Variants in SURF6 observed in about 807,000 individuals in gnomAD.
The protein encoded by SURF6 is surfeit 6.
SURF6 carries 28 observed loss-of-function variants against 37.5 expected under a neutral mutation model. That is an observed-to-expected ratio of 0.75 (90% CI 0.55 to 1.02). SURF6 has a LOEUF of 1.02. SURF6 is among the 50% of genes least tolerant of loss of function. SURF6 has a pLI of 0.00. For missense variants in SURF6, 560 were observed against 490.5 expected (o/e 1.14, Z -1.34); for synonymous variants, 248 against 210.9 (o/e 1.18, Z -1.52).
intron 1 of SURF6, among the ~76,000 whole-genome samples, chr9:133,335,425 G>A (rs1179367949): frequency 6.6e-6 from 1 of 151,848 alleles, no homozygotes; most frequent in Non-Finnish European, 1.5e-5. Context: ...CCAATATATC[G>A]TCCTTGAATA....
chr9:133,334,268 G>A, intron 2 of SURF6, 124 bp downstream of exon 2: 1 of 838,018 alleles, frequency 1.2e-6, no homozygotes, highest in South Asian at 1.8e-5. Context: ...TGCTCTTGGG[G>A]AAGTCTCGTG....
intron 1 of SURF6, among the ~76,000 whole-genome samples, chr9:133,335,204 C>T (rs1429119123): frequency 1.3e-5 from 2 of 152,094 alleles, no homozygotes; most frequent in Admixed American, 1.3e-4. Flanking sequence ...GTGATCCGCC[C>T]TCCTCAGCCT....
rs1025090801 is a variant in SURF6, at chr9:133,332,929, G to T, written c.394-169C>A. 4 of 643,640 alleles carry T rather than the reference G, an allele frequency of 6.2e-6. No homozygotes were observed. In the South Asian group the frequency reaches 7.9e-5, roughly 13 times the overall value. The allele number at this position is 643,640 out of a possible 1,614,324, so 39.9% of individuals were successfully genotyped here. Reference sequence around the variant, plus strand: ...CCATGATGTTCCCCAAAAAGCAAATGACCCCAAAAGAGAGAAGGGACCCCC... The same window carrying T: ...CCATGATGTTCCCCAAAAAGCAAATTACCCCAAAAGAGAGAAGGGACCCCC... On this transcript the variant is annotated intron_variant, in intron 3 of 4. Coordinates refer to ENST00000372022, the MANE Select transcript of SURF6 (RefSeq NM_006753.6).
chr9:133,334,089 G>C (rs1835814561), intron 2 of SURF6, among the ~76,000 whole-genome samples: 1 of 152,164 alleles, frequency 6.6e-6, no homozygotes, highest in South Asian at 2.1e-4. Flanking sequence ...GAACAAGTTG[G>C]CTCTCACAAG....
Position 133,332,557 on chromosome 9 carries a change from GA to G in SURF6, c.596del (p.Ile199ThrfsTer7). 3 of 1,608,630 alleles carry G rather than the reference GA, an allele frequency of 1.9e-6. No homozygotes were observed. The highest frequency in any genetic ancestry group is 2.5e-6 in the Non-Finnish European group (3 of 1,179,840). The stretch of plus-strand genomic sequence containing the variant: ...CCCAGCTCCCGCTCACCTTATTGAA[GA>G]TCAGCCCGGGCGGCTCCCGCGGCTC... ...CTEPREPPGL[I>X]FNKVEVSEDE... On this transcript the variant is annotated frameshift_variant, in exon 4 of 5. Coordinates refer to ENST00000372022, the MANE Select transcript of SURF6 (RefSeq NM_006753.6). LOFTEE classifies it high-confidence loss of function.
At chr9:133,335,334 A>AAT (rs1554766134) in intron 1 of SURF6, among the ~76,000 whole-genome samples, 34,321 of 151,264 alleles carry the variant, frequency 0.23, 4,892 homozygotes, top group South Asian at 0.43. Flanking sequence ...AAAAAAAAAA[A>AAT]TTTCAAAAAG....
Position 133,332,149 on chromosome 9 carries a change from T to C in SURF6, c.806A>G (p.Lys269Arg). The C allele has an allele frequency of 1.9e-6, 3 of 1,610,906 alleles. No homozygotes were observed. Among genetic ancestry groups the C allele is most frequent in the Non-Finnish European group, 2.5e-6 (3 of 1,179,918 alleles). The change falls in exon 5 of 5, where the codon AAG becomes AGG. Residue 269 changes from lysine to arginine, a missense_variant. Coordinates refer to ENST00000372022, the MANE Select transcript of SURF6 (RefSeq NM_006753.6). The part of the protein sequence containing the change: ...GKAQELEAKM[K>R]WTNLLYKAEG... Reference sequence around the variant, plus strand: ...CGCCTTGTAGAGGAGGTTGGTCCACTTCATCTTCGCCTCCAGCTCCTGCGC... The same window carrying C: ...CGCCTTGTAGAGGAGGTTGGTCCACCTCATCTTCGCCTCCAGCTCCTGCGC...
Position 133,333,768 on chromosome 9 carries a change from C to T in SURF6, c.343G>A (p.Asp115Asn). 6.2e-7 allele frequency: 1 copy of T among 1,614,050 alleles called. No homozygotes were observed. Among genetic ancestry groups the T allele is most frequent in the Non-Finnish European group, 8.5e-7 (1 of 1,179,982 alleles). Residue 115 changes from aspartate to asparagine, a missense_variant, in exon 3 of 5, where the codon GAT becomes AAT. By Grantham distance (23) the Asp-to-Asn change is conservative. Transcript: ENST00000372022. ...ATEPESVFAL[D>N]VLRQRLHEKI... is the part of the protein sequence containing the mutation. ...TCATGCAGTCGCTGTCGCAGAACAT[C>T]CAGAGCAAAGACAGACTCAGGCTCA... is the stretch of plus-strand genomic sequence containing the variant.
rs1056082397 is a variant in SURF6 at position 133,330,976 on chromosome 9, G to A, written c.*893C>T. On this transcript the variant is annotated 3_prime_UTR_variant, in exon 5 of 5. Transcript: ENST00000372022. ...TCTGGTAACAGTCACACCAGCTCCT[G>A]TTCAGTTACAGTCTTTGTCTCATAA... The A allele has an allele frequency of 6.6e-6, 1 of 152,146 alleles. No individual in the cohort carries two copies. Among genetic ancestry groups the A allele is most frequent in the Non-Finnish European group, 1.5e-5 (1 of 68,036 alleles). The allele number at this position is 152,146 out of a possible 1,614,324, so 9.4% of individuals were successfully genotyped here.
In SURF6 at chr9:133,332,065, T is replaced by TC. The variant is rs1168928331; in HGVS notation, c.889dup (p.Glu297GlyfsTer115). On this transcript the variant is annotated frameshift_variant, in exon 5 of 5. Coordinates refer to ENST00000372022, the MANE Select transcript of SURF6 (RefSeq NM_006753.6). LOFTEE classifies it high-confidence loss of function. ...GCGCTGCCGCTGCGCCCTGCGCTTC[T>TC]CCTTGCGCTTCAGGGCCTCCTGCAG... 3 of 1,606,370 alleles carry TC rather than the reference T, an allele frequency of 1.9e-6. No homozygotes were observed. The highest frequency in any genetic ancestry group is 2.5e-6 in the Non-Finnish European group (3 of 1,179,822).
chr9:133,335,950 T>C, intron 1 of SURF6, 89 bp downstream of exon 1: 6 of 990,710 alleles, frequency 6.1e-6, no homozygotes, highest in South Asian at 1.6e-5. Flanking sequence ...AGATTTTTTT[T>C]CTAGTACTTT....
At chr9:133,335,969 G>C (rs1009121941) in intron 1 of SURF6, 70 bp downstream of exon 1, 2 of 1,324,678 alleles carry the variant, frequency 1.5e-6, no homozygotes, top group Non-Finnish European at 1.1e-6. Flanking sequence ...TTACAGACTC[G>C]TCTACACCGG....
chr9:133,334,751 A>G, intron 1 of SURF6, 150 bp from the exon 2 acceptor site: 1 of 878,910 alleles, frequency 1.1e-6, no homozygotes, highest in South Asian at 1.8e-5. Flanking sequence ...TCAGAACCAC[A>G]ACCTTGACCC....
chr9:133,332,460 G>T, intron 4 of SURF6, 88 bp downstream of exon 4: 1 of 1,548,188 alleles, frequency 6.5e-7, no homozygotes, highest in Non-Finnish European at 8.7e-7. Flanking sequence ...GACATGATGG[G>T]GTTCGGAGAG....
chr9:133,332,466 G>C, intron 4 of SURF6, 82 bp downstream of exon 4: 1 of 1,555,482 alleles, frequency 6.4e-7, no homozygotes, highest in Non-Finnish European at 8.6e-7. Flanking sequence ...ATGGGGTTCG[G>C]AGAGAGATCA....
At position 133,332,090 on chromosome 9, in the gene SURF6, G is replaced by A. The variant is rs1196254250; in HGVS notation, c.865C>T (p.Leu289=). ...GVKIRDDERL[L]QEALKRKEKR... is the part of the protein sequence containing the mutation. ...TCCTTGCGCTTCAGGGCCTCCTGCA[G>A]CAGGCGTTCGTCGTCACGGATCTTC... The change falls in exon 5 of 5, where the codon CTG becomes TTG. Residue 289 remains leucine, a synonymous_variant. Transcript: ENST00000372022. 1.2e-6 allele frequency: 2 copies of A among 1,608,572 alleles called. No homozygotes were observed. Among genetic ancestry groups the A allele is most frequent in the African/African-American group, 1.3e-5 (1 of 74,956 alleles).
In SURF6 at chr9:133,331,787, T is replaced by C; in HGVS notation, c.*82A>G. ...GAGAGGCCGAGGTCTGTGGAGATCC[T>C]GGGACAGAGCCAGCGTCAAGGACTC... On this transcript the variant is annotated 3_prime_UTR_variant, in exon 5 of 5. Coordinates refer to ENST00000372022, the MANE Select transcript of SURF6 (RefSeq NM_006753.6). 1 of 1,462,320 alleles carries C rather than the reference T, an allele frequency of 6.8e-7. No homozygotes were observed. The highest frequency in any genetic ancestry group is 9.0e-7 in the Non-Finnish European group (1 of 1,116,908). The allele number at this position is 1,462,320 out of a possible 1,614,324, so 90.6% of individuals were successfully genotyped here. A position where few individuals can be genotyped will look rare whatever the true frequency, so the allele number is the denominator to read the frequency against.
intron 2 of SURF6, 143 bp from the exon 3 acceptor site, chr9:133,333,949 G>C (rs1835811321): frequency 1.4e-6 from 1 of 697,126 alleles, no homozygotes; most frequent in African/African-American, 1.8e-5. Context: ...CTTCAACCTG[G>C]ACTGGTTCCT....
chr9:133,335,397 A>G (rs1314786487), intron 1 of SURF6, among the ~76,000 whole-genome samples: 1 of 152,172 alleles, frequency 6.6e-6, no homozygotes, highest in Admixed American at 6.5e-5. Context: ...TTCACTTAAG[A>G]TTTTGGATTT....
Sources: gnomAD v4.1 joint callset for allele counts (sites outside exome capture counted in the v4.1 genomes callset) on GRCh38, gnomAD v4.1.1 for gene constraint, MANE v1.5 for transcripts, NCBI Gene and HGNC (gene_info 2026-07-23, HGNC 2026-07-21) for gene names.